SPAG17: variants seen among roughly 807,000 people sequenced by gnomAD.
SPAG17 encodes the protein sperm associated antigen 17, also known as sperm-associated antigen 17.
In SPAG17, 169 loss-of-function variants were observed where a neutral mutation model predicts 273.6. That is an observed-to-expected ratio of 0.62 (90% CI 0.55 to 0.70). The LOEUF (loss-of-function observed/expected upper bound fraction) is 0.70. SPAG17 is among the 30% of genes least tolerant of loss of function. SPAG17 has a pLI of 0.00. For missense variants in SPAG17, 2,557 were observed against 2,627.8 expected, an observed-to-expected ratio of 0.97 and a Z score of 0.59; for synonymous variants, 825 against 873.2, an observed-to-expected ratio of 0.94 and a Z score of 0.97.
chr1:118,024,782 C>T (rs746571274), intron 27 of SPAG17, among the ~76,000 whole-genome samples: 2 of 151,962 alleles, frequency 1.3e-5, no homozygotes, highest in Non-Finnish European at 2.9e-5. Flanking sequence ...ATTCCCATTT[C>T]GATGTTTAAT....
intron 43 of SPAG17, among the ~76,000 whole-genome samples, chr1:117,975,210 G>A (rs957324373): frequency 5.3e-5 from 8 of 152,140 alleles, no homozygotes; most frequent in Admixed American, 1.3e-4. Flanking sequence ...GGTCATGGTG[G>A]AGGCAGGGGG....
intron 13 of SPAG17, among the ~76,000 whole-genome samples, chr1:118,083,413 T>C (rs1190467298): frequency 6.6e-6 from 1 of 152,166 alleles, no homozygotes; most frequent in Non-Finnish European, 1.5e-5. Context: ...GCTATTGGAA[T>C]AGTCCACTTG....
rs1649462805 is a variant in SPAG17, at chr1:118,039,369, A to G, written c.3242T>C (p.Ile1081Thr). The change falls in exon 23 of 49, where the codon ATT becomes ACT. Residue 1081 changes from isoleucine (I) to threonine (T), a missense_variant. Physicochemically the swap from Ile to Thr is moderately conservative, Grantham distance 89. Transcript: ENST00000336338. ...ATCCCCTTTCTCTTCCTTTTTCACA[A>G]TTTCCTTAGGGTCATTTAAATGAAT... ...FMIHLNDPKE[I>T]VKKEEKGDYY... 1.1e-5 allele frequency: 17 copies of G among 1,613,312 alleles called. No individual in the cohort carries two copies. The highest frequency in any genetic ancestry group is 1.4e-5 in the Non-Finnish European group (16 of 1,179,598).
intron 35 of SPAG17, among the ~76,000 whole-genome samples, chr1:117,993,344 G>T (rs1239380034): frequency 6.6e-6 from 1 of 152,154 alleles, no homozygotes; most frequent in South Asian, 2.1e-4. Context: ...AGAGCATAAG[G>T]GTTTCAGAGG....
At position 118,179,113 on chromosome 1, in the gene SPAG17, A is replaced by C. The variant is rs1450532702; in HGVS notation, c.87+5958T>G. 5.3e-5 allele frequency among the ~76,000 whole-genome samples: 8 copies of C among 152,180 alleles called. 1 individual carries two copies. The East Asian group carries it at 1.5e-3, about 29-fold the overall frequency. ...ATAGAAAAAAAATCCTAAAATTTAC[A>C]TGGAACCACACAAAACCCAGGAGAA... On this transcript the variant is annotated intron_variant, in intron 1 of 48. Coordinates refer to ENST00000336338, the MANE Select transcript of SPAG17 (RefSeq NM_206996.4).
intron 48 of SPAG17, chr1:117,960,020 T>C (rs1652820777): frequency 6.6e-6 from 1 of 152,230 alleles, no homozygotes. Context: ...TTGCTAACTG[T>C]TTATACTTTT....
intron 1 of SPAG17, among the ~76,000 whole-genome samples, chr1:118,178,977 AT>A (rs1660817903): frequency 1.3e-5 from 2 of 152,176 alleles, no homozygotes; most frequent in African/African-American, 4.8e-5. Context: ...AAGAAAAGAT[AT>A]CCCATGCTCA....
intron 3 of SPAG17, among the ~76,000 whole-genome samples, chr1:118,125,774 G>A (rs1318960406): frequency 2.0e-5 from 3 of 152,080 alleles, no homozygotes; most frequent in African/African-American, 4.8e-5. Flanking sequence ...CCATTCATCT[G>A]TTGACAGACA....
chr1:118,093,056 A>T, intron 8 of SPAG17, 100 bp downstream of exon 8: 1 of 1,270,462 alleles, frequency 7.9e-7, no homozygotes, highest in Non-Finnish European at 1.1e-6. Flanking sequence ...ACCTTAATGT[A>T]AGTATTTATG....
intron 43 of SPAG17, among the ~76,000 whole-genome samples, chr1:117,978,864 CTCT>C (rs1655420483): frequency 7.1e-6 from 1 of 140,960 alleles, no homozygotes; most frequent in Admixed American, 7.4e-5. Context: ...TGGCTTCTTC[CTCT>C]TCTTTTTTTT....
At chr1:118,162,141 T>C (rs1393900486) in intron 1 of SPAG17, among the ~76,000 whole-genome samples, 1 of 152,224 alleles carries the variant, frequency 6.6e-6, no homozygotes, top group African/African-American at 2.4e-5. Context: ...CTGGTTATGG[T>C]TCTTAATTTT....
At chr1:118,084,681 T>C (rs775922941) in intron 13 of SPAG17, among the ~76,000 whole-genome samples, 1 of 152,214 alleles carries the variant, frequency 6.6e-6, no homozygotes, top group Non-Finnish European at 1.5e-5. Context: ...TGTGTATCTC[T>C]AGGTGCAGAG....
intron 13 of SPAG17, among the ~76,000 whole-genome samples, chr1:118,084,731 A>G (rs1289414757): frequency 6.6e-6 from 1 of 152,116 alleles, no homozygotes; most frequent in Non-Finnish European, 1.5e-5. Context: ...CAGACTTCTG[A>G]GGTGGCTTTC....
intron 1 of SPAG17, among the ~76,000 whole-genome samples, chr1:118,167,047 T>C (rs1242562014): frequency 1.3e-5 from 2 of 152,186 alleles, no homozygotes; most frequent in Non-Finnish European, 2.9e-5. Flanking sequence ...GTTCTGATGA[T>C]ATGTTCAAAA....
In SPAG17 at chr1:117,991,208, C is replaced by T. The variant is rs565904130; in HGVS notation, c.5475+207G>A. 1.4e-4 allele frequency among the ~76,000 whole-genome samples: 21 copies of T among 152,108 alleles called. No homozygotes were observed. The South Asian group carries it at 4.2e-3, about 30-fold the overall frequency. On this transcript the variant is annotated intron_variant, in intron 37 of 48. Coordinates refer to ENST00000336338, the MANE Select transcript of SPAG17 (RefSeq NM_206996.4). The stretch of plus-strand genomic sequence containing the variant: ...AGACAATAAAAGTTTCATTTAAGGG[C>T]CTTGTGAATTATTTATGAAGAGCCT...
chr1:117,983,894 A>G lies in SPAG17; in HGVS notation c.5789T>C (p.Leu1930Pro). The G allele has an allele frequency of 6.2e-7, 1 of 1,611,010 alleles. No homozygotes were observed. Among genetic ancestry groups the G allele is most frequent in the Non-Finnish European group, 8.5e-7 (1 of 1,177,850 alleles). Residue 1930 changes from leucine (L) to proline (P), a missense_variant, in exon 42 of 49, where the codon CTT (leucine) becomes CCT (proline). Transcript: ENST00000336338. ...YQSQYNHLDS[L>P]SKKLPSFTKK... ...TGTAAAAGAAGGCAGTTTTTTGGAA[A>G]GACTGTCCAGGTGATTATACTGAAA...
intron 32 of SPAG17, among the ~76,000 whole-genome samples, chr1:118,004,162 G>A (rs1658610551): frequency 1.3e-5 from 2 of 152,272 alleles, no homozygotes; most frequent in Middle Eastern, 6.8e-3. Context: ...TGCAAATATT[G>A]CTGCCTGATC....
At chr1:118,089,175 G>T (rs1260182389) in intron 10 of SPAG17, among the ~76,000 whole-genome samples, 2 of 152,170 alleles carry the variant, frequency 1.3e-5, no homozygotes, top group Non-Finnish European at 2.9e-5. Flanking sequence ...GGGTTCTTTA[G>T]ATCAGGTGGT....
At chr1:118,082,994 G>T (rs1654704877) in intron 13 of SPAG17, among the ~76,000 whole-genome samples, 1 of 152,104 alleles carries the variant, frequency 6.6e-6, no homozygotes, top group Admixed American at 6.6e-5. Flanking sequence ...GACAGTTTAG[G>T]TTCTTATTGT....
Sources: allele counts gnomAD v4.1 joint callset (sites outside exome capture counted in the v4.1 genomes callset), GRCh38; gene constraint gnomAD v4.1.1; transcripts MANE v1.5; gene names NCBI Gene and HGNC (gene_info 2026-07-23, HGNC 2026-07-21).